Variants in TENM2 observed in about 807,000 individuals in gnomAD.
TENM2 encodes the protein teneurin-2.
Under a neutral mutation model 245.2 loss-of-function variants are expected in TENM2, and 52 were observed. That is an observed-to-expected ratio of 0.21 (90% CI 0.17 to 0.27). TENM2 has a LOEUF of 0.27. Ranked by LOEUF, TENM2 falls within the 10% of genes least tolerant of loss-of-function variation. TENM2 has a pLI of 1.00. For synonymous variants in TENM2, 1,363 were observed against 1,438.9 expected (o/e 0.95, Z 1.19); for missense variants, 3,046 against 3,666.8 (o/e 0.83, Z 4.37).
At chr5:167,760,804 C>A (rs1425354743) in intron 2 of TENM2, among the ~76,000 whole-genome samples, 1 of 152,142 alleles carries the variant, frequency 6.6e-6, no homozygotes, top group Non-Finnish European at 1.5e-5. Flanking sequence ...CAGGCGCGTG[C>A]CACGATGCCT....
intron 3 of TENM2, among the ~76,000 whole-genome samples, chr5:167,921,185 C>T (rs1021753219): frequency 2.6e-5 from 4 of 152,150 alleles, no homozygotes; most frequent in Admixed American, 6.5e-5. Context: ...TGATGATAAG[C>T]TCCAGTAAGC....
chr5:167,378,017 C>T (rs1276581649), intron 2 of TENM2, among the ~76,000 whole-genome samples: 1 of 151,848 alleles, frequency 6.6e-6, no homozygotes, highest in African/African-American at 2.4e-5. Context: ...GATACATGGT[C>T]AGAAAATGAA....
At chr5:167,475,558 A>G (rs1007794262) in intron 2 of TENM2, among the ~76,000 whole-genome samples, 1 of 152,064 alleles carries the variant, frequency 6.6e-6, no homozygotes, top group African/African-American at 2.4e-5. Context: ...TACATGTGCC[A>G]TGGTGGTTTG....
the TENM2 span, among the ~76,000 whole-genome samples, chr5:167,000,669 G>A: frequency 3.3e-5 from 5 of 152,038 alleles, no homozygotes; most frequent in Non-Finnish European, 7.4e-5. Context: ...AAAATAGATT[G>A]GAAAATCTAA....
chr5:166,988,187 A>G, the TENM2 span, among the ~76,000 whole-genome samples: 1 of 152,192 alleles, frequency 6.6e-6, no homozygotes, highest in East Asian at 1.9e-4. Flanking sequence ...ATTAGAGCTC[A>G]TTTTGACTGT....
At chr5:167,716,176 A>G (rs1364362192) in intron 2 of TENM2, among the ~76,000 whole-genome samples, 1 of 152,198 alleles carries the variant, frequency 6.6e-6, no homozygotes, top group Non-Finnish European at 1.5e-5. Context: ...TTTGTAGTGG[A>G]AACAGTAACT....
At chr5:167,822,623 G>T (rs1767624141) in intron 2 of TENM2, among the ~76,000 whole-genome samples, 1 of 152,164 alleles carries the variant, frequency 6.6e-6, no homozygotes, top group Non-Finnish European at 1.5e-5. Context: ...TCTTTCTACA[G>T]AATTCACATG....
At chr5:167,497,951 G>A (rs1288899232) in intron 2 of TENM2, among the ~76,000 whole-genome samples, 2 of 151,770 alleles carry the variant, frequency 1.3e-5, no homozygotes, top group Non-Finnish European at 2.9e-5. Context: ...TATCCATCTG[G>A]TACACCTCTA....
chr5:167,184,658 A>G, the TENM2 span, among the ~76,000 whole-genome samples: 1 of 152,076 alleles, frequency 6.6e-6, no homozygotes, highest in African/African-American at 2.4e-5. Context: ...GAGCATTCCT[A>G]TGCTGACCTA....
At chr5:167,083,667 C>T in the TENM2 span, among the ~76,000 whole-genome samples, 7 of 152,196 alleles carry the variant, frequency 4.6e-5, no homozygotes, top group East Asian at 1.9e-4. Context: ...AGGTCCAATG[C>T]GCACATGGAT....
At chr5:167,092,460 C>T in the TENM2 span, among the ~76,000 whole-genome samples, 24 of 152,044 alleles carry the variant, frequency 1.6e-4, no homozygotes, top group Middle Eastern at 3.4e-3. Context: ...ATAGAGTCAG[C>T]GTGAATTAAA....
intron 2 of TENM2, among the ~76,000 whole-genome samples, chr5:167,719,951 C>T (rs757486578): frequency 3.9e-5 from 6 of 151,988 alleles, no homozygotes; most frequent in Non-Finnish European, 7.4e-5. Flanking sequence ...AACTGCACTC[C>T]ACTGCATGCA....
chr5:168,226,133 G>T, exon 24 of TENM2: 1 of 1,613,760 alleles, frequency 6.2e-7, no homozygotes, highest in South Asian at 1.1e-5. Flanking sequence ...GCCCCACGGG[G>T]GTGGTAACCA....
intron 2 of TENM2, among the ~76,000 whole-genome samples, chr5:167,414,184 G>A (rs10060218): frequency 2.6e-5 from 4 of 151,956 alleles, no homozygotes; most frequent in African/African-American, 7.2e-5. Flanking sequence ...AGGTAGATAC[G>A]GACTTTTTGT....
At chr5:167,891,263 A>G (rs145242410) in intron 3 of TENM2, among the ~76,000 whole-genome samples, 1 of 152,182 alleles carries the variant, frequency 6.6e-6, no homozygotes, top group East Asian at 1.9e-4. Context: ...CCTTTGCACA[A>G]TTACTCTCTT....
intron 2 of TENM2, among the ~76,000 whole-genome samples, chr5:167,853,445 G>A (rs1770793875): frequency 6.6e-6 from 1 of 152,032 alleles, no homozygotes; most frequent in Admixed American, 6.6e-5. Flanking sequence ...AAGGTTCTGT[G>A]ACCCCGTGGG....
At chr5:167,175,921 G>A in the TENM2 span, among the ~76,000 whole-genome samples, 532 of 152,254 alleles carry the variant, frequency 3.5e-3, 6 homozygotes, top group Non-Finnish European at 9.7e-4. Flanking sequence ...TATTGGCGAG[G>A]TTGGTCTTGA....
At chr5:167,448,122 A>G (rs552534608) in intron 2 of TENM2, among the ~76,000 whole-genome samples, 1 of 152,330 alleles carries the variant, frequency 6.6e-6, no homozygotes, top group East Asian at 1.9e-4. Flanking sequence ...AGTGGCAGTC[A>G]GAATTATTGA....
the TENM2 span, among the ~76,000 whole-genome samples, chr5:167,162,560 G>A: frequency 2.2e-4 from 34 of 151,716 alleles, no homozygotes; most frequent in African/African-American, 7.2e-4. Context: ...TCTGGGAGGC[G>A]GAGTTTGCAG....
Sources: gnomAD v4.1 joint callset for allele counts (sites outside exome capture counted in the v4.1 genomes callset) on GRCh38, gnomAD v4.1.1 for gene constraint, MANE v1.5 for transcripts, NCBI Gene and HGNC (gene_info 2026-07-23, HGNC 2026-07-21) for gene names.